Variants in ZNF704 observed in about 807,000 individuals in gnomAD.
ZNF704 encodes the protein zinc finger protein 704, also known as glucocorticoid induced gene 1.
ZNF704 carries 10 observed loss-of-function variants against 44.7 expected under a neutral mutation model. That is an observed-to-expected ratio of 0.22 (90% CI 0.14 to 0.38). ZNF704 has a LOEUF of 0.38. Ranked by LOEUF, ZNF704 falls within the 10% of genes least tolerant of loss-of-function variation. The pLI is 1.00. For missense variants in ZNF704, 390 were observed against 545.5 expected (o/e 0.71, Z 2.84); for synonymous variants, 211 against 207.6 (o/e 1.02, Z -0.14).
chr8:80,728,384 G>A (rs1290289180), intron 2 of ZNF704, among the ~76,000 whole-genome samples: 1 of 152,130 alleles, frequency 6.6e-6, no homozygotes, highest in Non-Finnish European at 1.5e-5. Flanking sequence ...ATAAAATGTA[G>A]AACTCAAACT....
chr8:80,722,914 G>C (rs1053682046), intron 2 of ZNF704, among the ~76,000 whole-genome samples: 6 of 152,196 alleles, frequency 3.9e-5, no homozygotes, highest in African/African-American at 1.4e-4. Flanking sequence ...GTGTCAATTA[G>C]GAAGATCAGT....
At chr8:80,733,994 T>C (rs1263356609) in intron 2 of ZNF704, among the ~76,000 whole-genome samples, 1 of 152,330 alleles carries the variant, frequency 6.6e-6, no homozygotes, top group Non-Finnish European at 1.5e-5. Flanking sequence ...ATGGATCTGA[T>C]AGTATAACTT....
chr8:80,697,808 G>A (rs1304979437), intron 2 of ZNF704, among the ~76,000 whole-genome samples: 1 of 152,190 alleles, frequency 6.6e-6, no homozygotes, highest in Non-Finnish European at 1.5e-5. Context: ...AGGGAGGAGA[G>A]CATTAGATGA....
intron 1 of ZNF704, among the ~76,000 whole-genome samples, chr8:80,832,024 C>T (rs1404403284): frequency 6.6e-6 from 1 of 152,204 alleles, no homozygotes; most frequent in Non-Finnish European, 1.5e-5. Flanking sequence ...GTATCACAGA[C>T]ATACACATTA....
intron 1 of ZNF704, among the ~76,000 whole-genome samples, chr8:80,841,172 A>C (rs1808672084): frequency 6.6e-6 from 1 of 152,234 alleles, no homozygotes; most frequent in Non-Finnish European, 1.5e-5. Context: ...TGTGTTTGCC[A>C]AATCTCTTCT....
rs188326777 is a variant in ZNF704 at position 80,714,783 on chromosome 8, C to T, written c.222-21676G>A. 1.3e-3 allele frequency among the ~76,000 whole-genome samples: 193 copies of T among 152,168 alleles called. 2 individuals carry two copies. Among genetic ancestry groups the T allele is most frequent in the Non-Finnish European group, 1.6e-4 (11 of 68,006 alleles). ...GGTCCCATTTTAAGTCACATGGCGG[C>T]GGTAAGTTGGGGAGAGGGTGGCAAG... is the stretch of plus-strand genomic sequence containing the variant. On this transcript the variant is annotated intron_variant, in intron 2 of 8. Coordinates refer to ENST00000327835, the MANE Select transcript of ZNF704 (RefSeq NM_001033723.3).
intron 1 of ZNF704, among the ~76,000 whole-genome samples, chr8:80,835,147 A>C (rs146431564): frequency 1.6e-3 from 244 of 152,310 alleles, no homozygotes; most frequent in Non-Finnish European, 2.7e-3. Flanking sequence ...TTTTATTTAC[A>C]TTATGCAAGG....
chr8:80,672,887 C>A (rs955072081), intron 4 of ZNF704, among the ~76,000 whole-genome samples: 1 of 151,798 alleles, frequency 6.6e-6, no homozygotes, highest in African/African-American at 2.4e-5. Context: ...TGTAACGAAC[C>A]TGCATAGGTA....
At chr8:80,651,874 GCAC>G (rs1416858109) in intron 7 of ZNF704, among the ~76,000 whole-genome samples, 1 of 152,072 alleles carries the variant, frequency 6.6e-6, no homozygotes, top group Non-Finnish European at 1.5e-5. Flanking sequence ...ATTCTTCTCA[GCAC>G]CACACCACAC....
intron 1 of ZNF704, among the ~76,000 whole-genome samples, chr8:80,867,509 T>C (rs545743042): frequency 6.6e-6 from 1 of 151,980 alleles, no homozygotes; most frequent in East Asian, 1.9e-4. Flanking sequence ...GGACCAGGCA[T>C]ACCACCCTGC....
chr8:80,858,957 A>G (rs979042081), intron 1 of ZNF704, among the ~76,000 whole-genome samples: 10 of 152,232 alleles, frequency 6.6e-5, no homozygotes, highest in African/African-American at 2.2e-4. Flanking sequence ...TTCTACAAGT[A>G]TTAACTAGAT....
At chr8:80,728,573 C>T (rs1806523587) in intron 2 of ZNF704, among the ~76,000 whole-genome samples, 1 of 152,162 alleles carries the variant, frequency 6.6e-6, no homozygotes, top group Non-Finnish European at 1.5e-5. Flanking sequence ...TCATTTAACA[C>T]TGTAACTGTT....
intron 4 of ZNF704, 40 bp from the exon 5 acceptor site, chr8:80,670,643 T>G: frequency 7.2e-7 from 1 of 1,383,230 alleles, no homozygotes. Context: ...GGAAACTATT[T>G]TCTAACAACA....
chr8:80,873,831 G>A (rs937845030), intron 1 of ZNF704, among the ~76,000 whole-genome samples: 40 of 147,486 alleles, frequency 2.7e-4, no homozygotes, highest in African/African-American at 9.8e-4. Flanking sequence ...CCGGTGGCCC[G>A]AGGGGGGCCG....
At chr8:80,860,718 C>T (rs778887330) in intron 1 of ZNF704, among the ~76,000 whole-genome samples, 1 of 152,120 alleles carries the variant, frequency 6.6e-6, no homozygotes, top group Non-Finnish European at 1.5e-5. Flanking sequence ...TACCTTTAAC[C>T]AAAACGACAA....
intron 2 of ZNF704, among the ~76,000 whole-genome samples, chr8:80,746,114 T>C (rs578228085): frequency 6.6e-6 from 1 of 152,324 alleles, no homozygotes; most frequent in East Asian, 1.9e-4. Flanking sequence ...TGCTTTCAGG[T>C]ATTTACCCAA....
At chr8:80,669,799 AG>A (rs1464545481) in intron 5 of ZNF704, among the ~76,000 whole-genome samples, 1 of 152,204 alleles carries the variant, frequency 6.6e-6, no homozygotes, top group Non-Finnish European at 1.5e-5. Context: ...CAGGGCAAAA[AG>A]CACAAGACTG....
At chr8:80,796,854 AAAG>A (rs1468601629) in intron 2 of ZNF704, among the ~76,000 whole-genome samples, 1 of 149,782 alleles carries the variant, frequency 6.7e-6, no homozygotes, top group African/African-American at 2.5e-5. Context: ...AAAAGAAAGA[AAAG>A]AGAAATGAAA....
intron 2 of ZNF704, among the ~76,000 whole-genome samples, chr8:80,727,610 C>T (rs1470607010): frequency 1.3e-5 from 2 of 151,724 alleles, no homozygotes; most frequent in African/African-American, 4.8e-5. Flanking sequence ...GAGCGGGTAA[C>T]GAGGGAGAGG....
Sources: allele counts gnomAD v4.1 joint callset (sites outside exome capture counted in the v4.1 genomes callset), GRCh38; gene constraint gnomAD v4.1.1; transcripts MANE v1.5; gene names NCBI Gene and HGNC (gene_info 2026-07-23, HGNC 2026-07-21).